The following GRIK4 variants were observed in gnomAD, a reference collection of about 807,000 sequenced individuals.
GRIK4 encodes glutamate receptor ionotropic, kainate 4.
GRIK4 carries 40 observed loss-of-function variants against 104.9 expected under a neutral mutation model. That is an observed-to-expected ratio of 0.38 (90% CI 0.30 to 0.50). The LOEUF (loss-of-function observed/expected upper bound fraction) is 0.50, where lower values mean the gene tolerates loss of function less well. GRIK4 is among the 20% of genes least tolerant of loss of function. GRIK4 has a pLI of 0.93. For synonymous variants in GRIK4, 485 were observed against 524.9 expected, an observed-to-expected ratio of 0.92 and a Z score of 1.04; for missense variants, 1,047 against 1,308.1, an observed-to-expected ratio of 0.80 and a Z score of 3.08.
chr11:120,536,179 G>A (rs1947971792), intron 1 of GRIK4, among the ~76,000 whole-genome samples: 1 of 152,212 alleles, frequency 6.6e-6, no homozygotes. Context: ...GTATTCTAAA[G>A]CAATAAGTGT....
At chr11:120,575,428 G>C (rs1239933084) in intron 1 of GRIK4, among the ~76,000 whole-genome samples, 1 of 151,986 alleles carries the variant, frequency 6.6e-6, no homozygotes, top group Non-Finnish European at 1.5e-5. Flanking sequence ...CTGGCGCACG[G>C]GTCCTCTCAC....
intron 1 of GRIK4, among the ~76,000 whole-genome samples, chr11:120,557,219 C>T (rs1202823994): frequency 6.6e-6 from 1 of 152,184 alleles, no homozygotes; most frequent in Non-Finnish European, 1.5e-5. Context: ...GGAGCCCCTC[C>T]CTTGCCTCTC....
chr11:120,796,325 G>T (rs114429821), intron 3 of GRIK4, among the ~76,000 whole-genome samples: 1 of 152,160 alleles, frequency 6.6e-6, no homozygotes, highest in Non-Finnish European at 1.5e-5. Flanking sequence ...GTGAGCCATC[G>T]TGCCTGGCCT....
chr11:120,654,456 C>T (rs983905921), intron 2 of GRIK4, among the ~76,000 whole-genome samples: 6 of 152,024 alleles, frequency 3.9e-5, no homozygotes, highest in Admixed American at 1.3e-4. Flanking sequence ...CTCTGTCTGC[C>T]GGTTCAAGTG....
At chr11:120,570,165 C>CGT (rs1565553929) in intron 1 of GRIK4, among the ~76,000 whole-genome samples, 1 of 151,846 alleles carries the variant, frequency 6.6e-6, no homozygotes. Context: ...CAGCTTGTCT[C>CGT]GTGGGGAACC....
chr11:120,515,084 A>G (rs1164273569), intron 1 of GRIK4: 4 of 455,354 alleles, frequency 8.8e-6, no homozygotes, highest in South Asian at 6.2e-5. Flanking sequence ...GCTGACCCCA[A>G]CTTTATGTCA....
At chr11:120,904,857 C>T (rs1942830686) in intron 12 of GRIK4, among the ~76,000 whole-genome samples, 1 of 152,180 alleles carries the variant, frequency 6.6e-6, no homozygotes, top group Non-Finnish European at 1.5e-5. Flanking sequence ...TGCCCTCTTC[C>T]CAATGCCCTC....
At chr11:120,889,361 T>C (rs1955208473) in intron 11 of GRIK4, among the ~76,000 whole-genome samples, 1 of 152,116 alleles carries the variant, frequency 6.6e-6, no homozygotes. Context: ...TCCCTGGCCA[T>C]AGTGTTTTCA....
intron 19 of GRIK4, among the ~76,000 whole-genome samples, chr11:120,968,056 G>C (rs1944414514): frequency 6.6e-6 from 1 of 152,186 alleles, no homozygotes; most frequent in Non-Finnish European, 1.5e-5. Context: ...AGTTTCATGA[G>C]GGTAGGGTTG....
At chr11:120,960,839 A>C in intron 16 of GRIK4, 70 bp from the exon 17 acceptor site, 1 of 1,219,582 alleles carries the variant, frequency 8.2e-7, no homozygotes. Context: ...TCACAGCAGG[A>C]CTGGGGTCAG....
At chr11:120,976,138 A>G (rs898403114) in intron 19 of GRIK4, among the ~76,000 whole-genome samples, 2 of 152,204 alleles carry the variant, frequency 1.3e-5, no homozygotes, top group Non-Finnish European at 2.9e-5. Context: ...AGTGGGGACA[A>G]TGGGCCTTCT....
chr11:120,807,659 A>G (rs916520396), intron 4 of GRIK4, among the ~76,000 whole-genome samples: 27 of 132,598 alleles, frequency 2.0e-4, no homozygotes, highest in Admixed American at 1.7e-3. Flanking sequence ...TGGCTTAAGG[A>G]AAAAAAAGTA....
chr11:120,523,130 C>T (rs1263227966), intron 1 of GRIK4, among the ~76,000 whole-genome samples: 2 of 148,904 alleles, frequency 1.3e-5, no homozygotes, highest in Non-Finnish European at 3.0e-5. Context: ...TTTCAGCTGA[C>T]CCAAATCTAA....
chr11:120,550,633 G>A (rs1401185777), intron 1 of GRIK4, among the ~76,000 whole-genome samples: 1 of 152,026 alleles, frequency 6.6e-6, no homozygotes, highest in African/African-American at 2.4e-5. Flanking sequence ...GAGGAGGAGT[G>A]GCCAGGGAGG....
intron 3 of GRIK4, among the ~76,000 whole-genome samples, chr11:120,682,392 A>G (rs1227215960): frequency 3.3e-5 from 5 of 152,136 alleles, no homozygotes; most frequent in African/African-American, 1.2e-4. Flanking sequence ...CAAAGAGGAG[A>G]CACACTTGCT....
intron 2 of GRIK4, among the ~76,000 whole-genome samples, chr11:120,656,626 C>T (rs975761045): frequency 1.8e-4 from 27 of 152,160 alleles, no homozygotes; most frequent in Admixed American, 8.5e-4. Flanking sequence ...TTTGGGAGGC[C>T]GAGGCGGGTG....
At chr11:120,515,227 C>T (rs1947711874) in intron 1 of GRIK4, among the ~76,000 whole-genome samples, 2 of 152,190 alleles carry the variant, frequency 1.3e-5, no homozygotes, top group Admixed American at 1.3e-4. Flanking sequence ...CTTCAAGGTG[C>T]TGCTGGAAGA....
chr11:120,669,403 T>C (rs765769823), intron 3 of GRIK4, among the ~76,000 whole-genome samples: 2 of 152,222 alleles, frequency 1.3e-5, no homozygotes, highest in Non-Finnish European at 2.9e-5. Context: ...CCTTAGCTGC[T>C]GTCCCTCTAC....
At chr11:120,803,889 T>C (rs1033805758) in intron 4 of GRIK4, among the ~76,000 whole-genome samples, 2 of 152,242 alleles carry the variant, frequency 1.3e-5, no homozygotes, top group Non-Finnish European at 2.9e-5. Flanking sequence ...TTAAGTGTTA[T>C]CACCTCCACT....
Sources: gnomAD v4.1 joint callset for allele counts (sites outside exome capture counted in the v4.1 genomes callset) on GRCh38, gnomAD v4.1.1 for gene constraint, MANE v1.5 for transcripts, NCBI Gene and HGNC (gene_info 2026-07-23, HGNC 2026-07-21) for gene names.